Variants in ANO3 observed in about 807,000 individuals in gnomAD.
ANO3 encodes anoctamin 3.
In ANO3, 99 loss-of-function variants were observed where a neutral mutation model predicts 144.8. The observed-to-expected ratio is 0.68, with a 90% CI of 0.58 to 0.81. The LOEUF is 0.81. ANO3 is among the 30% of genes least tolerant of loss of function. The pLI is 0.00. For synonymous variants in ANO3, 414 were observed against 392.6 expected, an observed-to-expected ratio of 1.05 and a Z score of -0.64; for missense variants, 905 against 1,202.2, an observed-to-expected ratio of 0.75 and a Z score of 3.66.
At chr11:26,564,718 CACACACACACACACATATAT>C (rs1850458782) in intron 14 of ANO3, among the ~76,000 whole-genome samples, 2 of 74,932 alleles carry the variant, frequency 2.7e-5, no homozygotes, top group Non-Finnish European at 5.2e-5. Flanking sequence ...CACACACACA[CACACACACACACACATATAT>C]ATATATATAT....
At chr11:26,574,803 G>A (rs1047376165) in intron 14 of ANO3, among the ~76,000 whole-genome samples, 1 of 151,974 alleles carries the variant, frequency 6.6e-6, no homozygotes, top group Non-Finnish European at 1.5e-5. Context: ...ATAACTTTTT[G>A]GAAAGGTCAA....
intron 1 of ANO3, among the ~76,000 whole-genome samples, chr11:26,221,957 A>C (rs1367559952): frequency 6.6e-6 from 1 of 152,184 alleles, no homozygotes; most frequent in Non-Finnish European, 1.5e-5. Context: ...ACACACATCT[A>C]AACCATATCA....
intron 1 of ANO3, among the ~76,000 whole-genome samples, chr11:26,351,165 T>C (rs992675324): frequency 5.3e-5 from 8 of 152,198 alleles, no homozygotes; most frequent in African/African-American, 1.9e-4. Flanking sequence ...TTTTGCCTTT[T>C]TTCTCTACAT....
At chr11:26,487,093 C>G (rs1206023917) in intron 4 of ANO3, among the ~76,000 whole-genome samples, 1 of 152,150 alleles carries the variant, frequency 6.6e-6, no homozygotes, top group Admixed American at 6.5e-5. Flanking sequence ...TCTTTTAACC[C>G]AAACACCATT....
chr11:26,452,822 T>C (rs1014461552), intron 3 of ANO3, among the ~76,000 whole-genome samples: 8 of 152,040 alleles, frequency 5.3e-5, no homozygotes, highest in African/African-American at 1.5e-4. Context: ...TTAAGGGCAG[T>C]CAGAGAGAAA....
intron 1 of ANO3, among the ~76,000 whole-genome samples, chr11:26,321,373 T>C (rs1454519855): frequency 6.6e-6 from 1 of 152,114 alleles, no homozygotes; most frequent in Non-Finnish European, 1.5e-5. Flanking sequence ...GTTCCTTTTC[T>C]TTTCAGTATC....
intron 1 of ANO3, among the ~76,000 whole-genome samples, chr11:26,412,216 G>T (rs1857451389): frequency 6.6e-6 from 1 of 151,774 alleles, no homozygotes. Context: ...ATTTCATTAG[G>T]CTATCTGAAC....
At chr11:26,408,045 A>G (rs1857334344) in intron 1 of ANO3, among the ~76,000 whole-genome samples, 1 of 152,114 alleles carries the variant, frequency 6.6e-6, no homozygotes, top group African/African-American at 2.4e-5. Flanking sequence ...AGGCAGTACC[A>G]TTCAGGACAT....
At chr11:26,535,299 T>A (rs1433935602) in intron 9 of ANO3, among the ~76,000 whole-genome samples, 1 of 152,216 alleles carries the variant, frequency 6.6e-6, no homozygotes, top group Admixed American at 6.5e-5. Flanking sequence ...ACAACATGTA[T>A]AATACAAAAT....
At chr11:26,333,923 C>A (rs1855128432) in intron 1 of ANO3, among the ~76,000 whole-genome samples, 1 of 152,184 alleles carries the variant, frequency 6.6e-6, no homozygotes. Context: ...ATGATAGGAA[C>A]TTTGCAACAG....
At chr11:26,501,618 C>A (rs1861197141) in intron 4 of ANO3, among the ~76,000 whole-genome samples, 1 of 152,110 alleles carries the variant, frequency 6.6e-6, no homozygotes, top group African/African-American at 2.4e-5. Context: ...ATGCATGCTA[C>A]ATGAAGACTT....
At chr11:26,312,525 A>G (rs1269446276) in intron 1 of ANO3, among the ~76,000 whole-genome samples, 1 of 152,144 alleles carries the variant, frequency 6.6e-6, no homozygotes, top group African/African-American at 2.4e-5. Flanking sequence ...TGACTTTTTA[A>G]TGATCACCAT....
At chr11:26,264,919 G>T (rs1853274526) in intron 1 of ANO3, among the ~76,000 whole-genome samples, 1 of 151,674 alleles carries the variant, frequency 6.6e-6, no homozygotes. Flanking sequence ...ATAAATATAG[G>T]GGAGACACAA....
chr11:26,523,159 G>GT (rs746427849), intron 6 of ANO3, among the ~76,000 whole-genome samples: 34 of 152,216 alleles, frequency 2.2e-4, no homozygotes, highest in Non-Finnish European at 3.8e-4. Context: ...CTCAGATCTC[G>GT]TGAGAACTCA....
At chr11:26,374,603 G>A (rs1164977113) in intron 1 of ANO3, among the ~76,000 whole-genome samples, 1 of 152,138 alleles carries the variant, frequency 6.6e-6, no homozygotes, top group Non-Finnish European at 1.5e-5. Flanking sequence ...TTGAGATGTT[G>A]GCCATGATAA....
chr11:26,394,301 A>G (rs1423120208), intron 1 of ANO3, among the ~76,000 whole-genome samples: 1 of 152,184 alleles, frequency 6.6e-6, no homozygotes, highest in Non-Finnish European at 1.5e-5. Flanking sequence ...TTAAAAAATC[A>G]GAGAAATTTT....
At chr11:26,403,308 G>A (rs1046912285) in intron 1 of ANO3, among the ~76,000 whole-genome samples, 4 of 151,866 alleles carry the variant, frequency 2.6e-5, no homozygotes, top group Non-Finnish European at 5.9e-5. Flanking sequence ...GCTGATCATT[G>A]TATGGATTCA....
intron 1 of ANO3, among the ~76,000 whole-genome samples, chr11:26,441,484 T>C (rs931406777): frequency 4.6e-5 from 7 of 152,170 alleles, no homozygotes; most frequent in African/African-American, 1.2e-4. Context: ...TAGGACATTA[T>C]GTATGTGTTT....
chr11:26,505,863 C>T (rs1310598249), intron 4 of ANO3, among the ~76,000 whole-genome samples: 1 of 151,836 alleles, frequency 6.6e-6, no homozygotes, highest in African/African-American at 2.4e-5. Context: ...GGCGCCTGTA[C>T]TGTAGTCCCA....
Sources: allele counts gnomAD v4.1 joint callset (sites outside exome capture counted in the v4.1 genomes callset), GRCh38; gene constraint gnomAD v4.1.1; transcripts MANE v1.5; gene names NCBI Gene and HGNC (gene_info 2026-07-23, HGNC 2026-07-21).